The following PHF8 variants were observed in gnomAD, a reference collection of about 807,000 sequenced individuals.
The protein encoded by PHF8 is PHD finger protein 8.
In PHF8, 9 loss-of-function variants were observed where a neutral mutation model predicts 74.4. The ratio of observed to expected loss-of-function variants is 0.12; its 90% confidence interval spans 0.07 to 0.21. The LOEUF is 0.21. Among genes scored for constraint, PHF8 ranks in the 10% least tolerant of loss-of-function variants. The probability of loss-of-function intolerance (pLI) is 1.00; values close to 1 mark genes in which losing one functional copy is unlikely to be tolerated. For missense variants in PHF8, 478 were observed against 816.6 expected, an observed-to-expected ratio of 0.59 and a Z score of 5.05; for synonymous variants, 311 against 316.6, an observed-to-expected ratio of 0.98 and a Z score of 0.19.
At chrX:54,029,692 C>T in intron 2 of PHF8, among the ~76,000 whole-genome samples, 1 of 111,889 alleles carries the variant, frequency 8.9e-6, no homozygotes, top group African/African-American at 3.2e-5. Flanking sequence ...ACCCAACCGA[C>T]TCTGTCCACA....
intron 18 of PHF8, among the ~76,000 whole-genome samples, chrX:53,978,899 A>G: frequency 9.0e-6 from 1 of 110,876 alleles, no homozygotes; most frequent in Non-Finnish European, 1.9e-5. Context: ...GCAAAGGCAA[A>G]AACCACAGTG....
rs782187491 is a variant in PHF8, at chrX:54,042,759, G to A, written c.-31C>T. ...CTCGGCCCTGGAGCGTTCTGCGGCCGGCCAGGTTCGTCGTGTCAAGAGGGG... is the reference window on the plus strand; with the variant it reads ...CTCGGCCCTGGAGCGTTCTGCGGCCAGCCAGGTTCGTCGTGTCAAGAGGGG... On this transcript the variant is annotated 5_prime_UTR_variant, in exon 2 of 22. Transcript: ENST00000338154. 6.9e-5 allele frequency: 82 copies of A among 1,193,542 alleles called. No homozygotes were observed. Among genetic ancestry groups the A allele is most frequent in the Non-Finnish European group, 8.9e-5 (79 of 885,670 alleles).
chrX:54,018,593 T>C (rs2066111960), intron 4 of PHF8, among the ~76,000 whole-genome samples: 1 of 110,121 alleles, frequency 9.1e-6, no homozygotes, highest in African/African-American at 3.3e-5. Context: ...GGGACAAATA[T>C]ATTAAGCTCA....
chrX:53,966,084 A>G (rs1277794629), intron 18 of PHF8, among the ~76,000 whole-genome samples: 1 of 112,315 alleles, frequency 8.9e-6, no homozygotes, highest in Non-Finnish European at 1.9e-5. Context: ...CAATAGAAAG[A>G]TAACTGGAAT....
At chrX:53,969,164 G>A (rs1253019504) in intron 18 of PHF8, among the ~76,000 whole-genome samples, 3 of 110,578 alleles carry the variant, frequency 2.7e-5, no homozygotes, top group African/African-American at 9.9e-5. Context: ...GAATCCGGGG[G>A]ACAAAGGTTG....
intron 20 of PHF8, 88 bp downstream of exon 20, chrX:53,944,045 TG>T (rs1391148110): frequency 5.4e-6 from 3 of 553,294 alleles, no homozygotes; most frequent in African/African-American, 4.5e-5. Context: ...GAGACAAAGG[TG>T]GGATCCTATC....
chrX:54,008,277 G>A (rs960741129), intron 8 of PHF8, among the ~76,000 whole-genome samples: 1 of 106,405 alleles, frequency 9.4e-6, no homozygotes, highest in Non-Finnish European at 1.9e-5. Context: ...TGAGGCCAGA[G>A]AATCGCTTGA....
chrX:53,948,037 C>A (rs2064857136), intron 19 of PHF8, among the ~76,000 whole-genome samples: 1 of 111,790 alleles, frequency 8.9e-6, no homozygotes, highest in African/African-American at 3.3e-5. Flanking sequence ...CGCCATTGTG[C>A]CATTTCCAAA....
rs782361546 is a variant in PHF8 at position 54,006,765 on chromosome X, G to C, written c.947-4083C>G. ...AGCTGAGCCAACATGGTGAAACCCC[G>C]TCTCTACTGCAAATACGAAAAAATT... On this transcript the variant is annotated intron_variant, in intron 8 of 21. Coordinates refer to ENST00000338154, the MANE Select transcript of PHF8 (RefSeq NM_015107.3). Among the ~76,000 whole-genome samples the C allele has an allele frequency of 2.9e-4, 32 of 109,404 alleles. No homozygotes were observed. The South Asian group carries it at 0.012, about 42-fold the overall frequency.
intron 17 of PHF8, 102 bp downstream of exon 17, chrX:53,985,714 T>C: frequency 8.5e-7 from 1 of 1,175,467 alleles, no homozygotes; most frequent in Non-Finnish European, 1.1e-6. Flanking sequence ...TCCCTTTAAA[T>C]AGCTCTATAA....
chrX:53,979,695 A>C (rs2065449266), intron 18 of PHF8, among the ~76,000 whole-genome samples: 2 of 112,426 alleles, frequency 1.8e-5, no homozygotes, highest in Non-Finnish European at 3.8e-5. Flanking sequence ...TTAACATAGA[A>C]AAACTATGTA....
At chrX:54,015,315 A>G (rs947514573) in intron 6 of PHF8, among the ~76,000 whole-genome samples, 5 of 110,993 alleles carry the variant, frequency 4.5e-5, no homozygotes, top group African/African-American at 6.5e-5. Flanking sequence ...GGTGGCTCAC[A>G]CCTGTAATCC....
chrX:54,036,043 G>A (rs1419133334), intron 2 of PHF8, among the ~76,000 whole-genome samples: 2 of 105,959 alleles, frequency 1.9e-5, no homozygotes, highest in Non-Finnish European at 3.9e-5. Flanking sequence ...CCTGGGAGCC[G>A]GAGGTTGCGG....
intron 2 of PHF8, among the ~76,000 whole-genome samples, chrX:54,027,709 C>T (rs1163285097): frequency 9.0e-6 from 1 of 111,343 alleles, no homozygotes; most frequent in Non-Finnish European, 1.9e-5. Flanking sequence ...TATAACGTCC[C>T]ATCTGGCTGG....
upstream of PHF8, chrX:54,048,920 C>T (rs1409164332): frequency 2.7e-5 from 3 of 111,507 alleles, no homozygotes; most frequent in African/African-American, 6.5e-5. Flanking sequence ...TAGAGGGAAC[C>T]TCAGCAGGAT....
At chrX:53,951,102 A>C (rs1557086800) in intron 19 of PHF8, among the ~76,000 whole-genome samples, 2 of 112,534 alleles carry the variant, frequency 1.8e-5, no homozygotes, top group African/African-American at 6.5e-5. Context: ...TTATAAAAAG[A>C]AACCAAACAG....
intron 2 of PHF8, among the ~76,000 whole-genome samples, chrX:54,028,808 C>T (rs1359588856): frequency 8.9e-6 from 1 of 111,937 alleles, no homozygotes; most frequent in Non-Finnish European, 1.9e-5. Flanking sequence ...CTCCACTATA[C>T]CCTGAAGTAG....
rs2064689613 is a variant in PHF8 at position 53,937,805 on chromosome X, G to C, written c.*1353C>G. ...TTGGAGTGGGTGGTACAGGTGGAAA[G>C]GGCAAGGGTACACTCCACTTGGGTA... On this transcript the variant is annotated 3_prime_UTR_variant, in exon 22 of 22. Coordinates refer to ENST00000338154, the MANE Select transcript of PHF8 (RefSeq NM_015107.3). 4.6e-6 allele frequency: 2 copies of C among 437,993 alleles called. No homozygotes were observed. Among genetic ancestry groups the C allele is most frequent in the Non-Finnish European group, 7.9e-6 (2 of 252,557 alleles). 36.1% of individuals were successfully genotyped at this position (437,993 alleles called of 1,213,427 possible).
At chrX:54,021,737 G>T (rs934269891) in intron 4 of PHF8, among the ~76,000 whole-genome samples, 4 of 109,828 alleles carry the variant, frequency 3.6e-5, no homozygotes, top group Non-Finnish European at 7.6e-5. Flanking sequence ...CAAAGTGCTG[G>T]GATTACAGGC....
Sources: gnomAD v4.1 joint callset for allele counts (sites outside exome capture counted in the v4.1 genomes callset) on GRCh38, gnomAD v4.1.1 for gene constraint, MANE v1.5 for transcripts, NCBI Gene and HGNC (gene_info 2026-07-23, HGNC 2026-07-21) for gene names.